The following LARGE1 variants were observed in gnomAD, a reference collection of about 807,000 sequenced individuals.
LARGE1 encodes the protein LARGE xylosyl- and glucuronyltransferase 1, also known as xylosyl- and glucuronyltransferase LARGE1.
In LARGE1, 43 loss-of-function variants were observed where a neutral mutation model predicts 87.6. The observed-to-expected ratio is 0.49, with a 90% CI of 0.38 to 0.63. The LOEUF (loss-of-function observed/expected upper bound fraction) is 0.63, where lower values mean the gene tolerates loss of function less well. LARGE1 is among the 30% of genes least tolerant of loss of function. The pLI, the probability that LARGE1 is intolerant of heterozygous loss-of-function variation, is 0.00. For missense variants in LARGE1, 802 were observed against 1,000.2 expected (o/e 0.80, Z 2.67); for synonymous variants, 434 against 394.6 (o/e 1.10, Z -1.18).
the LARGE1 span, among the ~76,000 whole-genome samples, chr22:33,126,678 A>C: frequency 6.6e-6 from 1 of 152,246 alleles, no homozygotes; most frequent in Admixed American, 6.5e-5. Flanking sequence ...GTAAAATTTA[A>C]TTTATTCTGT....
At chr22:33,897,604 TG>T (rs2065178719) in intron 1 of LARGE1, among the ~76,000 whole-genome samples, 1 of 152,204 alleles carries the variant, frequency 6.6e-6, no homozygotes, top group Non-Finnish European at 1.5e-5. Context: ...GGAATGCCAA[TG>T]AAGCCAGCGG....
At chr22:33,910,676 G>C (rs968319092) in intron 1 of LARGE1, among the ~76,000 whole-genome samples, 1 of 152,174 alleles carries the variant, frequency 6.6e-6, no homozygotes, top group Non-Finnish European at 1.5e-5. Context: ...GGCTGAGCAA[G>C]TGAAGGAAAC....
chr22:33,493,930 G>A (rs2069978623), intron 6 of LARGE1, among the ~76,000 whole-genome samples: 1 of 152,256 alleles, frequency 6.6e-6, no homozygotes, highest in African/African-American at 2.4e-5. Context: ...CTGGGTGGCA[G>A]TCACAAGACA....
intron 5 of LARGE1, among the ~76,000 whole-genome samples, chr22:33,570,733 G>A (rs2078173323): frequency 6.6e-6 from 1 of 150,404 alleles, no homozygotes; most frequent in South Asian, 2.1e-4. Context: ...AAACTGGACA[G>A]CACACTTTGG....
chr22:33,375,200 G>A (rs1262248997), intron 9 of LARGE1, among the ~76,000 whole-genome samples: 3 of 152,100 alleles, frequency 2.0e-5, no homozygotes, highest in Non-Finnish European at 2.9e-5. Context: ...CAGATTTAAG[G>A]AAATTTTCTT....
At chr22:33,707,506 C>T (rs2082597782) in intron 2 of LARGE1, among the ~76,000 whole-genome samples, 1 of 152,226 alleles carries the variant, frequency 6.6e-6, no homozygotes, top group Non-Finnish European at 1.5e-5. Context: ...GCAAAACAAC[C>T]AAGACTGTCC....
rs145793913 is a variant in LARGE1, at chr22:33,645,182, G to A, written c.408+5185C>T. 3.0e-3 allele frequency among the ~76,000 whole-genome samples: 453 copies of A among 151,874 alleles called. 2 individuals carry two copies. The highest frequency in any genetic ancestry group is 0.01 in the African/African-American group (435 of 41,482). ...ATACTACAAGGCTACAGTAACCAAAGCAGCATGGTACTCCTACAAGGCTAC... is the reference window on the plus strand; with the variant it reads ...ATACTACAAGGCTACAGTAACCAAAACAGCATGGTACTCCTACAAGGCTAC... On this transcript the variant is annotated intron_variant, in intron 3 of 14. Transcript: ENST00000397394.
chr22:33,348,377 T>C (rs894072177), intron 9 of LARGE1, among the ~76,000 whole-genome samples: 1 of 150,242 alleles, frequency 6.7e-6, no homozygotes, highest in Non-Finnish European at 1.5e-5. Flanking sequence ...AACCATTGCC[T>C]TTTCTGTTAC....
At chr22:33,549,457 C>G (rs1398630188) in intron 6 of LARGE1, among the ~76,000 whole-genome samples, 1 of 152,130 alleles carries the variant, frequency 6.6e-6, no homozygotes, top group Non-Finnish European at 1.5e-5. Context: ...AATCTGTGCC[C>G]TTTTGTGGAT....
At chr22:33,612,556 A>G (rs2079466366) in intron 4 of LARGE1, among the ~76,000 whole-genome samples, 1 of 152,242 alleles carries the variant, frequency 6.6e-6, no homozygotes, top group South Asian at 2.1e-4. Context: ...TAGAGTAAGA[A>G]AGGAACAAAG....
chr22:33,915,058 G>GAGAA (rs2065748478), intron 1 of LARGE1, among the ~76,000 whole-genome samples: 1 of 151,394 alleles, frequency 6.6e-6, no homozygotes, highest in African/African-American at 2.4e-5. Flanking sequence ...GAGAGAGAGA[G>GAGAA]AGAGAGGCTT....
chr22:33,747,944 G>A lies in LARGE1; in HGVS notation c.106+13427C>T, dbSNP rs550804424. 4 of 146,360 alleles carry A rather than the reference G, an allele frequency of 2.7e-5. No individual in the cohort carries two copies. The East Asian group carries it at 8.1e-4, about 30-fold the overall frequency. The allele number at this position is 146,360 out of a possible 1,614,324, so 9.1% of individuals were successfully genotyped here. On this transcript the variant is annotated intron_variant, in intron 2 of 14. Coordinates refer to ENST00000397394, the MANE Select transcript of LARGE1 (RefSeq NM_133642.5). The stretch of plus-strand genomic sequence containing the variant: ...GTTATCAACAGGTGCAATGGAGAGG[G>A]TTCCCAGCTGGGACACCACCTCAAG...
intron 6 of LARGE1, among the ~76,000 whole-genome samples, chr22:33,541,603 T>C (rs1471817371): frequency 1.3e-5 from 2 of 152,162 alleles, no homozygotes; most frequent in Non-Finnish European, 2.9e-5. Context: ...AGCAATCCAT[T>C]CTTGAAAAGG....
chr22:33,181,504 CA>C lies in LARGE1; in HGVS notation c.1731-14673del, dbSNP rs1923158053. On this transcript the variant is annotated intron_variant, in intron 11 of 11. Transcript: ENST00000608642. ...TGAACTCAGACATTCTTCACGTGAG[CA>C]CATTGTTAGGCTATTAGGCTACATT... 3.3e-5 allele frequency among the ~76,000 whole-genome samples: 5 copies of C among 151,636 alleles called. No individual in the cohort carries two copies. The South Asian group carries it at 1.0e-3, about 32-fold the overall frequency.
intron 2 of LARGE1, among the ~76,000 whole-genome samples, chr22:33,722,300 GGAGAGGGAGAGGAGGGAGAGGGA>G (rs1465003659): frequency 1.4e-5 from 2 of 143,750 alleles, no homozygotes; most frequent in Admixed American, 1.4e-4. Flanking sequence ...GGGAGAGGAG[GGAGAGGGAGAGGAGGGAGAGGGA>G]GAGGAGGGAG....
At position 33,394,110 on chromosome 22, in the gene LARGE1, C is replaced by A. The variant is rs5998908; in HGVS notation, c.893-9806G>T. 7.6e-3 allele frequency among the ~76,000 whole-genome samples: 1,112 copies of A among 146,568 alleles called. 11 individuals are homozygous for A. Among genetic ancestry groups the A allele is most frequent in the African/African-American group, 0.026 (1,045 of 39,974 alleles). On this transcript the variant is annotated intron_variant, in intron 7 of 14. Coordinates refer to ENST00000397394, the MANE Select transcript of LARGE1 (RefSeq NM_133642.5). The stretch of plus-strand genomic sequence containing the variant: ...AAAAAAAAAAAAAAGAGAAGCTAAA[C>A]AGGGTGACAATGATGATAATACCTA...
At chr22:33,856,385 A>T (rs1263178029) in intron 1 of LARGE1, among the ~76,000 whole-genome samples, 1 of 152,154 alleles carries the variant, frequency 6.6e-6, no homozygotes, top group African/African-American at 2.4e-5. Flanking sequence ...TGAGGTCCAT[A>T]CGAAGAGGCT....
intron 12 of LARGE1, among the ~76,000 whole-genome samples, chr22:33,287,137 T>G (rs1368758285): frequency 6.6e-6 from 1 of 152,232 alleles, no homozygotes; most frequent in Non-Finnish European, 1.5e-5. Context: ...CTGTCTTATG[T>G]GTTGGTTTTC....
intron 2 of LARGE1, among the ~76,000 whole-genome samples, chr22:33,657,610 A>G (rs1234728084): frequency 6.6e-6 from 1 of 152,026 alleles, no homozygotes; most frequent in Non-Finnish European, 1.5e-5. Context: ...GATCAGGCAT[A>G]CTTTTTGGCC....
Sources: gnomAD v4.1 joint callset for allele counts (sites outside exome capture counted in the v4.1 genomes callset) on GRCh38, gnomAD v4.1.1 for gene constraint, MANE v1.5 for transcripts, NCBI Gene and HGNC (gene_info 2026-07-23, HGNC 2026-07-21) for gene names.